The following GRM7 variants were observed in gnomAD, a reference collection of about 807,000 sequenced individuals.
GRM7 encodes metabotropic glutamate receptor 7.
Under a neutral mutation model 84.5 loss-of-function variants are expected in GRM7, and 35 were observed. The observed-to-expected ratio is 0.41, with a 90% CI of 0.32 to 0.55. The LOEUF (loss-of-function observed/expected upper bound fraction) is 0.55. Among genes scored for constraint, GRM7 ranks in the 20% least tolerant of loss-of-function variants. GRM7 has a pLI of 0.19. For synonymous variants in GRM7, 487 were observed against 455.1 expected (o/e 1.07, Z -0.89); for missense variants, 1,003 against 1,194.6 (o/e 0.84, Z 2.36).
chr3:7,165,708 G>A (rs1694778572), intron 2 of GRM7, among the ~76,000 whole-genome samples: 1 of 152,104 alleles, frequency 6.6e-6, no homozygotes, highest in Non-Finnish European at 1.5e-5. Context: ...AGTCTCTTCA[G>A]GAGATTTTAT....
rs116562820 is a variant in GRM7, at chr3:7,340,111, A to G, written c.1033+33459A>G. The stretch of plus-strand genomic sequence containing the variant: ...GATCTCACATCACAGTCACTAGGAT[A>G]GTTTTAATATTTCTGTGAAATAATA... On this transcript the variant is annotated intron_variant, in intron 4 of 9. Coordinates refer to ENST00000357716, the MANE Select transcript of GRM7 (RefSeq NM_000844.4). 5.8e-3 allele frequency among the ~76,000 whole-genome samples: 886 copies of G among 152,268 alleles called. 7 individuals carry two copies. The highest frequency in any genetic ancestry group is 0.02 in the African/African-American group (847 of 41,578).
chr3:6,940,745 A>AC (rs1455012165), intron 1 of GRM7, among the ~76,000 whole-genome samples: 1 of 152,020 alleles, frequency 6.6e-6, no homozygotes, highest in African/African-American at 2.4e-5. Flanking sequence ...CTATATTTGA[A>AC]CCCCCATTTT....
intron 1 of GRM7, among the ~76,000 whole-genome samples, chr3:6,963,486 C>T (rs1163724506): frequency 1.3e-5 from 2 of 152,142 alleles, no homozygotes; most frequent in African/African-American, 2.4e-5. Flanking sequence ...ATAACCTGGG[C>T]ATGGCGGTGC....
chr3:7,438,934 A>G (rs949508788), intron 5 of GRM7, among the ~76,000 whole-genome samples: 1 of 152,180 alleles, frequency 6.6e-6, no homozygotes, highest in Admixed American at 6.5e-5. Context: ...CAATATACCC[A>G]TAAGACATCC....
intron 4 of GRM7, chr3:7,403,139 CA>C (rs773825372): frequency 4.4e-4 from 198 of 445,036 alleles, no homozygotes; most frequent in Admixed American, 1.5e-3. Context: ...AATTTTCTGA[CA>C]AGTTTGTCTG....
chr3:7,559,382 T>C (rs756527483), intron 7 of GRM7: 1 of 152,106 alleles, frequency 6.6e-6, no homozygotes, highest in Non-Finnish European at 1.5e-5. Flanking sequence ...CATTATCTAC[T>C]ATTGCTGCCT....
At chr3:7,663,229 G>A (rs1575605994) in intron 8 of GRM7, among the ~76,000 whole-genome samples, 1 of 152,158 alleles carries the variant, frequency 6.6e-6, no homozygotes, top group Admixed American at 6.5e-5. Flanking sequence ...GAGAAGTTGG[G>A]CTGGGATGCA....
intron 4 of GRM7, 66 bp downstream of exon 4, chr3:7,306,718 T>C (rs866180486): frequency 6.5e-6 from 9 of 1,384,830 alleles, no homozygotes; most frequent in Middle Eastern, 2.1e-4. Context: ...TGGCCAAGCA[T>C]GTGACTTTTT....
At chr3:7,324,958 C>G (rs147670361) in intron 4 of GRM7, among the ~76,000 whole-genome samples, 1 of 152,160 alleles carries the variant, frequency 6.6e-6, no homozygotes, top group Non-Finnish European at 1.5e-5. Flanking sequence ...GCTTTTCCAA[C>G]GTGTAATTTA....
intron 8 of GRM7, among the ~76,000 whole-genome samples, chr3:7,655,359 C>A (rs1225644353): frequency 6.6e-6 from 1 of 152,262 alleles, no homozygotes; most frequent in African/African-American, 2.4e-5. Flanking sequence ...ACTCTTCACC[C>A]AATAACAAGA....
At chr3:7,605,332 C>G (rs1024138862) in intron 8 of GRM7, among the ~76,000 whole-genome samples, 5 of 151,980 alleles carry the variant, frequency 3.3e-5, no homozygotes, top group Admixed American at 6.6e-5. Flanking sequence ...CAAGAATAAT[C>G]CAGTTGACAA....
chr3:7,568,717 G>A (rs1312479903), intron 7 of GRM7, among the ~76,000 whole-genome samples: 3 of 152,188 alleles, frequency 2.0e-5, no homozygotes, highest in Admixed American at 2.0e-4. Context: ...CCGGCCCTGG[G>A]CAATGAGGGG....
At chr3:7,059,248 G>A (rs563458315) in intron 1 of GRM7, among the ~76,000 whole-genome samples, 24 of 151,674 alleles carry the variant, frequency 1.6e-4, no homozygotes, top group African/African-American at 5.8e-4. Flanking sequence ...ATCTACACAG[G>A]ACAGAGAAAT....
chr3:7,602,851 T>C (rs982998765), intron 8 of GRM7, among the ~76,000 whole-genome samples: 10 of 152,170 alleles, frequency 6.6e-5, no homozygotes, highest in Non-Finnish European at 1.0e-4. Context: ...TCACTACCAC[T>C]GATTAGTAAT....
intron 1 of GRM7, among the ~76,000 whole-genome samples, chr3:7,073,279 A>G (rs1233425640): frequency 6.6e-6 from 1 of 152,086 alleles, no homozygotes; most frequent in Non-Finnish European, 1.5e-5. Flanking sequence ...ATATCTCAAA[A>G]TAATTCCTCT....
intron 2 of GRM7, among the ~76,000 whole-genome samples, chr3:7,190,680 C>A (rs1042832820): frequency 6.6e-6 from 1 of 152,062 alleles, no homozygotes; most frequent in Non-Finnish European, 1.5e-5. Context: ...TTGGGACTGT[C>A]CTTCCTACAA....
intron 4 of GRM7, among the ~76,000 whole-genome samples, chr3:7,382,918 A>AATACACTGGAGGCTGTACCCTTGCT (rs1405565590): frequency 2.0e-5 from 3 of 152,198 alleles, no homozygotes; most frequent in Non-Finnish European, 4.4e-5. Flanking sequence ...TACTTTGCTT[A>AATACACTGGAGGCTGTACCCTTGCT]ATACACTGGA....
Position 7,076,022 on chromosome 3 carries a change from G to GA in GRM7, c.520-70423dup, listed in dbSNP as rs564701561. Among the ~76,000 whole-genome samples, 48 of 151,704 alleles carry GA rather than the reference G, an allele frequency of 3.2e-4. 1 individual carries two copies. The East Asian group carries it at 7.8e-3, about 25-fold the overall frequency. Reference sequence around the variant, plus strand: ...TCTAGGTTTTTAGAGGGGAAAAAAAGAAAAAAACATTTTTACTAAATGAAC... The same window carrying GA: ...TCTAGGTTTTTAGAGGGGAAAAAAAGAAAAAAAACATTTTTACTAAATGAAC... On this transcript the variant is annotated intron_variant, in intron 1 of 9. Coordinates refer to ENST00000357716, the MANE Select transcript of GRM7 (RefSeq NM_000844.4).
At chr3:7,500,357 A>G (rs1699846087) in intron 7 of GRM7, among the ~76,000 whole-genome samples, 1 of 152,198 alleles carries the variant, frequency 6.6e-6, no homozygotes, top group South Asian at 2.1e-4. Context: ...TTCAATGATG[A>G]TAAGAATTCA....
Sources: allele counts gnomAD v4.1 joint callset (sites outside exome capture counted in the v4.1 genomes callset), GRCh38; gene constraint gnomAD v4.1.1; transcripts MANE v1.5; gene names NCBI Gene and HGNC (gene_info 2026-07-23, HGNC 2026-07-21).